Variants in GRK4 observed in about 807,000 individuals in gnomAD.
GRK4 encodes the protein G protein-coupled receptor kinase 4.
GRK4 carries 73 observed loss-of-function variants against 77.9 expected under a neutral mutation model. That is an observed-to-expected ratio of 0.94 (90% CI 0.78 to 1.14). The LOEUF (loss-of-function observed/expected upper bound fraction) is 1.14, where lower values mean the gene tolerates loss of function less well. Among genes scored for constraint, GRK4 ranks in the 50% most tolerant of loss-of-function variants. The pLI is 0.00. For synonymous variants in GRK4, 257 were observed against 254.4 expected, an observed-to-expected ratio of 1.01 and a Z score of -0.10; for missense variants, 729 against 700.2, an observed-to-expected ratio of 1.04 and a Z score of -0.46.
chr4:2,965,547 T>G, intron 1 of GRK4: 1 of 684,890 alleles, frequency 1.5e-6, no homozygotes, highest in South Asian at 1.6e-5. Context: ...CGATGCATAT[T>G]TAAAGGACAG....
chr4:3,035,722 T>C (rs558577709), intron 13 of GRK4, among the ~76,000 whole-genome samples, 199 bp downstream of exon 13: 1 of 151,912 alleles, frequency 6.6e-6, no homozygotes, highest in South Asian at 2.1e-4. Context: ...TGTGCCCGGC[T>C]GCAACACAGT....
At chr4:3,038,292 G>C (rs1458330763) in intron 14 of GRK4, 84 bp from the exon 15 acceptor site, 55 of 1,559,084 alleles carry the variant, frequency 3.5e-5, no homozygotes, top group Non-Finnish European at 4.6e-5. Flanking sequence ...CACGGGGCTG[G>C]GCAGGAGCTG....
chr4:2,966,140 A>C (rs539172730), intron 1 of GRK4: 2 of 152,978 alleles, frequency 1.3e-5, no homozygotes, highest in Admixed American at 1.3e-4. Flanking sequence ...TTGGCCGGGC[A>C]CGGTGGCTCA....
intron 1 of GRK4, among the ~76,000 whole-genome samples, chr4:2,975,691 T>G (rs929452647): frequency 6.6e-6 from 1 of 152,176 alleles, no homozygotes; most frequent in African/African-American, 2.4e-5. Flanking sequence ...GCAGACCCAC[T>G]TCTACGGATT....
chr4:3,035,587 C>T, intron 13 of GRK4, 64 bp downstream of exon 13: 3 of 1,517,402 alleles, frequency 2.0e-6, no homozygotes, highest in East Asian at 2.3e-5. Flanking sequence ...CGGTTTTTCT[C>T]TTTCTTTTTT....
intron 10 of GRK4, among the ~76,000 whole-genome samples, chr4:3,026,050 C>T (rs1430535040): frequency 1.3e-5 from 2 of 152,260 alleles, no homozygotes; most frequent in African/African-American, 4.8e-5. Flanking sequence ...AGCGTGTCAT[C>T]TCCACCGGTG....
chr4:2,979,719 C>A (rs866082515), intron 1 of GRK4, among the ~76,000 whole-genome samples: 1 of 152,056 alleles, frequency 6.6e-6, no homozygotes, highest in Admixed American at 6.6e-5. Context: ...GTCCCCCTAC[C>A]CCCCCAAAAA....
intron 1 of GRK4, chr4:2,966,945 T>C (rs1717897760): frequency 6.6e-6 from 1 of 152,210 alleles, no homozygotes; most frequent in African/African-American, 2.4e-5. Context: ...TCCCCCAAAA[T>C]TCTTATGTTG....
intron 4 of GRK4, among the ~76,000 whole-genome samples, chr4:3,000,381 C>T (rs1467133172): frequency 2.0e-5 from 3 of 152,052 alleles, no homozygotes; most frequent in Non-Finnish European, 2.9e-5. Context: ...AATCAACCTG[C>T]TATTTAGTTT....
chr4:3,006,853 C>G (rs971781526), intron 5 of GRK4, among the ~76,000 whole-genome samples: 7 of 152,124 alleles, frequency 4.6e-5, no homozygotes, highest in African/African-American at 1.4e-4. Context: ...TCTTTGCTCT[C>G]TGATACTGGT....
chr4:2,974,996 C>A (rs2109445522), intron 1 of GRK4, among the ~76,000 whole-genome samples: 1 of 152,230 alleles, frequency 6.6e-6, no homozygotes, highest in Admixed American at 6.5e-5. Flanking sequence ...TACAGGTATC[C>A]TAATCTCCCT....
At chr4:3,021,487 A>G (rs1459334114) in intron 9 of GRK4, among the ~76,000 whole-genome samples, 3 of 152,092 alleles carry the variant, frequency 2.0e-5, no homozygotes, top group South Asian at 2.1e-4. Context: ...TCCTTATCTT[A>G]TATATCCCAC....
intron 1 of GRK4, among the ~76,000 whole-genome samples, chr4:2,970,793 C>T (rs1433968985): frequency 1.2e-4 from 18 of 151,908 alleles, no homozygotes; most frequent in East Asian, 2.0e-4. Context: ...TCTCAGCCTC[C>T]CCAGCAGCTG....
chr4:3,012,599 T>C (rs911320806), intron 7 of GRK4, among the ~76,000 whole-genome samples: 2 of 152,170 alleles, frequency 1.3e-5, no homozygotes, highest in African/African-American at 4.8e-5. Flanking sequence ...CAGTCCCCTG[T>C]GGGGTGTGCA....
chr4:2,977,572 A>G (rs1028647636), intron 1 of GRK4, among the ~76,000 whole-genome samples: 2 of 152,196 alleles, frequency 1.3e-5, no homozygotes, highest in East Asian at 1.9e-4. Flanking sequence ...TTTCATTTCC[A>G]TAAAAGCCAC....
rs1384741823 is a variant in GRK4, at chr4:3,007,849, T to G, written c.536+21T>G. ...GAAAGGTATGTACTGATTTTAAACT[T>G]GATAAAAGCCAATTGAGGTGGCACA... On this transcript the variant is annotated intron_variant, in intron 6 of 15. Coordinates refer to ENST00000398052, the MANE Select transcript of GRK4 (RefSeq NM_182982.3). The G allele has an allele frequency of 5.2e-6, 8 of 1,544,710 alleles. No individual in the cohort carries two copies. The African/African-American group carries it at 8.2e-5, about 16-fold the overall frequency.
chr4:3,038,915 T>A, intron 15 of GRK4: 1 of 163,352 alleles, frequency 6.1e-6, no homozygotes, highest in Non-Finnish European at 1.3e-5. Flanking sequence ...AGTGGATTCC[T>A]TTTTGAAAAG....
rs1290878494 is a variant in GRK4 at position 3,018,928 on chromosome 4, C to T, written c.742-713C>T. On this transcript the variant is annotated intron_variant, in intron 8 of 15. Transcript: ENST00000398052. Reference sequence around the variant, plus strand: ...AATAAATAGGGGGAGACCATGTTCCCAGATTGGAAGACCCGATGCTGTAAA... The same window carrying T: ...AATAAATAGGGGGAGACCATGTTCCTAGATTGGAAGACCCGATGCTGTAAA... Among the ~76,000 whole-genome samples, 3 of 152,034 alleles carry T rather than the reference C, an allele frequency of 2.0e-5. No individual in the cohort carries two copies. The East Asian group carries it at 5.8e-4, about 29-fold the overall frequency.
At chr4:3,026,206 G>T (rs192593912) in intron 10 of GRK4, among the ~76,000 whole-genome samples, 6 of 152,174 alleles carry the variant, frequency 3.9e-5, no homozygotes, top group Non-Finnish European at 5.9e-5. Flanking sequence ...GGTGTTTCCC[G>T]TCTGCATTCC....
Sources: allele counts gnomAD v4.1 joint callset (sites outside exome capture counted in the v4.1 genomes callset), GRCh38; gene constraint gnomAD v4.1.1; transcripts MANE v1.5; gene names NCBI Gene and HGNC (gene_info 2026-07-23, HGNC 2026-07-21).